CILP: variants seen among roughly 807,000 people sequenced by gnomAD.
CILP encodes the protein cartilage intermediate layer protein 1.
A neutral mutation model predicts 82.5 loss-of-function variants in CILP; 75 were observed. The ratio of observed to expected loss-of-function variants is 0.91; its 90% CI spans 0.75 to 1.10. The LOEUF (loss-of-function observed/expected upper bound fraction) is 1.10. Ranked by LOEUF, CILP falls within the 50% of genes least tolerant of loss-of-function variation. The pLI is 0.00. For synonymous variants in CILP, 530 were observed against 580.3 expected (o/e 0.91, Z 1.25); for missense variants, 1,479 against 1,530.8 (o/e 0.97, Z 0.56).
chr15:65,205,471 A>C lies in CILP; in HGVS notation c.425-5T>G. 1.3e-6 allele frequency: 2 copies of C among 1,596,630 alleles called. No individual in the cohort carries two copies. Among genetic ancestry groups the C allele is most frequent in the Non-Finnish European group, 1.7e-6 (2 of 1,166,714 alleles). On this transcript the variant is annotated splice_polypyrimidine_tract_variant and splice_region_variant and intron_variant, in intron 4 of 8. Coordinates refer to ENST00000261883, the MANE Select transcript of CILP (RefSeq NM_003613.4). ...CTGTGTCTCGGCGCAGGGATCCTGC[A>C]AAGTGAGATCAGCAGACGGTCTGAT...
chr15:65,208,605 C>G (rs529685888), intron 2 of CILP, among the ~76,000 whole-genome samples: 18 of 152,290 alleles, frequency 1.2e-4, no homozygotes, highest in Non-Finnish European at 1.9e-4. Flanking sequence ...ATTTTCCATA[C>G]GAGGCTGGCA....
chr15:65,202,834 C>CTTTTTTT lies in CILP; in HGVS notation c.1028+521_1028+527dup, dbSNP rs10634666. On this transcript the variant is annotated intron_variant, in intron 7 of 8. Coordinates refer to ENST00000261883, the MANE Select transcript of CILP (RefSeq NM_003613.4). The stretch of plus-strand genomic sequence containing the variant: ...CCAGAGATGCTCCAGGGGACCACAG[C>CTTTTTTT]TTTTTTTTTTTTTTTTTTTGAGACA... Among the ~76,000 whole-genome samples the CTTTTTTT allele has an allele frequency of 7.5e-3, 879 of 117,526 alleles. 31 individuals are homozygous for CTTTTTTT. Among genetic ancestry groups the CTTTTTTT allele is most frequent in the African/African-American group, 0.028 (844 of 29,778 alleles). 77.1% of individuals were successfully genotyped at this position (117,526 alleles called of 152,430 possible).
At chr15:65,207,829 G>T (rs1337270907) in intron 2 of CILP, 65 bp from the exon 3 acceptor site, 2 of 1,388,438 alleles carry the variant, frequency 1.4e-6, no homozygotes, top group African/African-American at 1.4e-5. Context: ...TCCTCAAGAT[G>T]CAGGGAAACA....
At position 65,196,953 on chromosome 15, in the gene CILP, C is replaced by T. The variant is rs755893887; in HGVS notation, c.3333G>A (p.Val1111=). The T allele has an allele frequency of 1.2e-6, 2 of 1,613,850 alleles. No homozygotes were observed. Among genetic ancestry groups the T allele is most frequent in the South Asian group, 1.1e-5 (1 of 90,992 alleles). ...CACAGTTGAAGGTGAGGGCTACTCC[C>T]ACATTGCTCTTCATGATTCTGGAGG... ...DGSSRIMKSN[V]GVALTFNCVE... Residue 1111 remains valine (V), a synonymous_variant, in exon 9 of 9, where the codon GTG becomes GTA. Transcript: ENST00000261883.
chr15:65,206,687 T>C lies in CILP; in HGVS notation c.424+95A>G, dbSNP rs547277344. On this transcript the variant is annotated intron_variant, in intron 4 of 8. Coordinates refer to ENST00000261883, the MANE Select transcript of CILP (RefSeq NM_003613.4). ...AGTCCAAGCATACGCATGTGTGTGA[T>C]GCTGAGAGTTCTGGTGGCCAGAGGC... 651 of 1,363,460 alleles carry C rather than the reference T, an allele frequency of 4.8e-4. 7 individuals are homozygous for C. In the South Asian group the frequency reaches 8.0e-3, roughly 17 times the overall value. 84.5% of individuals were successfully genotyped at this position (1,363,460 alleles called of 1,614,324 possible).
In CILP at chr15:65,206,982, TC is replaced by T; in HGVS notation, c.223del (p.Asp75ThrfsTer18). ...PGGKGDYERL[D>X]AIRFYYGDRV... ...GTCCCCATAGTAGAAGCGAATGGCGTCCAGCCGCTCATAGTCGCCCTTCCCG... is the reference window on the plus strand; with the variant it reads ...GTCCCCATAGTAGAAGCGAATGGCGTCAGCCGCTCATAGTCGCCCTTCCCG... On this transcript the variant is annotated frameshift_variant, in exon 4 of 9. Coordinates refer to ENST00000261883, the MANE Select transcript of CILP (RefSeq NM_003613.4). LOFTEE classifies it high-confidence loss of function. The T allele has an allele frequency of 1.2e-6, 2 of 1,613,976 alleles. No homozygotes were observed. The highest frequency in any genetic ancestry group is 1.7e-6 in the Non-Finnish European group (2 of 1,179,992).
rs767099048 is a variant in CILP at position 65,196,945 on chromosome 15, G to C, written c.3341C>G (p.Ala1114Gly). The change falls in exon 9 of 9, where the codon GCC becomes GGC. Residue 1114 changes from alanine (A) to glycine (G), a missense_variant. Coordinates refer to ENST00000261883, the MANE Select transcript of CILP (RefSeq NM_003613.4). ...SRIMKSNVGV[A>G]LTFNCVERQV... The stretch of plus-strand genomic sequence containing the variant: ...CCTCTCTACACAGTTGAAGGTGAGG[G>C]CTACTCCCACATTGCTCTTCATGAT... 11 of 1,613,820 alleles carry C rather than the reference G, an allele frequency of 6.8e-6. No individual in the cohort carries two copies. Among genetic ancestry groups the C allele is most frequent in the Non-Finnish European group, 9.3e-6 (11 of 1,179,862 alleles).
intron 1 of CILP, 121 bp from the exon 2 acceptor site, chr15:65,209,982 C>A (rs1359560171): frequency 8.0e-6 from 4 of 502,164 alleles, no homozygotes; most frequent in Non-Finnish European, 1.4e-5. Context: ...AAAGTGATAT[C>A]TGCCTGAGTT....
chr15:65,196,724 A>G lies in CILP; in HGVS notation c.*7T>C. ...TGAGGGCAGAAGAGGGTGAAGTACC[A>G]CAAAACTTAGTTGATCAGGGGCTGT... On this transcript the variant is annotated 3_prime_UTR_variant, in exon 9 of 9. Transcript: ENST00000261883. The G allele has an allele frequency of 6.6e-7, 1 of 1,521,636 alleles. No individual in the cohort carries two copies. Among genetic ancestry groups the G allele is most frequent in the South Asian group, 1.3e-5 (1 of 76,478 alleles). 94.3% of individuals were successfully genotyped at this position (1,521,636 alleles called of 1,614,324 possible).
intron 7 of CILP, 99 bp downstream of exon 7, chr15:65,203,263 T>A: frequency 1.3e-6 from 1 of 797,974 alleles, no homozygotes; most frequent in Non-Finnish European, 2.1e-6. Flanking sequence ...TGTAACTTTA[T>A]TCTGTTGGTT....
intron 4 of CILP, 27 bp downstream of exon 4, chr15:65,206,755 G>A (rs763002700): frequency 1.3e-6 from 2 of 1,591,388 alleles, no homozygotes; most frequent in South Asian, 2.2e-5. Context: ...GGAAGTAGCG[G>A]GTGGGGGTGG....
Position 65,198,420 on chromosome 15 carries a change from G to T in CILP, c.1866C>A (p.Ala622=), listed in dbSNP as rs2088406056. 6.8e-6 allele frequency: 11 copies of T among 1,614,222 alleles called. No individual in the cohort carries two copies. Among genetic ancestry groups the T allele is most frequent in the Non-Finnish European group, 9.3e-6 (11 of 1,180,034 alleles). The part of the protein sequence containing the change: ...NGEPYIGKVK[A]SVTFLDPRNI... Reference sequence around the variant, plus strand: ...TCCGGGGATCCAGGAAGGTCACACTGGCCTTCACTTTTCCTATGTAGGGCT... The same window carrying T: ...TCCGGGGATCCAGGAAGGTCACACTTGCCTTCACTTTTCCTATGTAGGGCT... The change falls in exon 9 of 9, where the codon GCC becomes GCA. Residue 622 remains alanine (A), a synonymous_variant. Coordinates refer to ENST00000261883, the MANE Select transcript of CILP (RefSeq NM_003613.4).
rs376488192 is a variant in CILP, at chr15:65,206,799, C to A, written c.407G>T (p.Arg136Leu). 4 of 1,611,992 alleles carry A rather than the reference C, an allele frequency of 2.5e-6. No homozygotes were observed. Among genetic ancestry groups the A allele is most frequent in the Non-Finnish European group, 3.4e-6 (4 of 1,178,570 alleles). ...TGGCTTACCTGGTGGGCAGAGGAAG[C>A]GTACGGTGTAATTAGAGCAGTTCTG... ...PGQNCSNYTVRFLCPPGSLRR... is the reference protein window; with the variant it reads ...PGQNCSNYTVLFLCPPGSLRR... Residue 136 changes from arginine to leucine, a missense_variant, in exon 4 of 9, where the codon CGC becomes CTC. Arg to Leu is a moderately radical substitution (Grantham distance 102). Coordinates refer to ENST00000261883, the MANE Select transcript of CILP (RefSeq NM_003613.4).
rs2088365606 is a variant in CILP at position 65,196,730 on chromosome 15, CTT to C, written c.3554_3555del (p.Ter1185CysfsTer28). On this transcript the variant is annotated frameshift_variant and stop_lost, in exon 9 of 9. Coordinates refer to ENST00000261883, the MANE Select transcript of CILP (RefSeq NM_003613.4). LOFTEE classifies it high-confidence loss of function. Reference protein sequence around the residue: ...PRVAQQPLIN* With the variant: ...PRVAQQPLINX ...CAGAAGAGGGTGAAGTACCACAAAACTTAGTTGATCAGGGGCTGTTGAGCAAC... is the reference window on the plus strand; with the variant it reads ...CAGAAGAGGGTGAAGTACCACAAAACAGTTGATCAGGGGCTGTTGAGCAAC... 2 of 1,524,088 alleles carry C rather than the reference CTT, an allele frequency of 1.3e-6. No homozygotes were observed. The highest frequency in any genetic ancestry group is 2.3e-5 in the East Asian group (1 of 43,834). 94.4% of individuals were successfully genotyped at this position (1,524,088 alleles called of 1,614,324 possible).
intron 1 of CILP, among the ~76,000 whole-genome samples, chr15:65,210,894 G>C (rs938425871): frequency 2.0e-5 from 3 of 152,224 alleles, no homozygotes; most frequent in African/African-American, 4.8e-5. Flanking sequence ...TCCACATTGT[G>C]TGTATCCCTC....
In CILP at chr15:65,197,339, TC is replaced by T. The variant is rs770958657; in HGVS notation, c.2946del (p.Lys983SerfsTer8). ...NMGGTHRQTV[G>X]KLYGIRDVRS... ...CTCACATCTCGGATTCCATACAGCT[TC>T]CCCACTGTCTGCCGATGAGTGCCCC... On this transcript the variant is annotated frameshift_variant, in exon 9 of 9. Coordinates refer to ENST00000261883, the MANE Select transcript of CILP (RefSeq NM_003613.4). LOFTEE classifies it high-confidence loss of function. The T allele has an allele frequency of 1.2e-6, 2 of 1,614,096 alleles. No homozygotes were observed. The highest frequency in any genetic ancestry group is 8.5e-7 in the Non-Finnish European group (1 of 1,180,008).
At position 65,196,693 on chromosome 15, in the gene CILP, A is replaced by G. The variant is rs1485914926; in HGVS notation, c.*38T>C. 2 of 1,477,652 alleles carry G rather than the reference A, an allele frequency of 1.4e-6. No homozygotes were observed. The highest frequency in any genetic ancestry group is 9.1e-7 in the Non-Finnish European group (1 of 1,101,662). The allele number at this position is 1,477,652 out of a possible 1,614,324, so 91.5% of individuals were successfully genotyped here. A position where few individuals can be genotyped will look rare whatever the true frequency, so the allele number is the denominator to read the frequency against. ...GCATCAGTCTCACAATGGCTGTCAC[A>G]TGAAATGAGGGCAGAAGAGGGTGAA... On this transcript the variant is annotated 3_prime_UTR_variant, in exon 9 of 9. Transcript: ENST00000261883.
In CILP at chr15:65,198,715, C is replaced by A; in HGVS notation, c.1571G>T (p.Gly524Val). The change falls in exon 9 of 9, where the codon GGC becomes GTC. Residue 524 changes from glycine (G) to valine (V), a missense_variant. By Grantham distance (109) the Gly-to-Val change is moderately radical. Coordinates refer to ENST00000261883, the MANE Select transcript of CILP (RefSeq NM_003613.4). ...CTGGGGGACATGGAGGGTGAAAGTG[C>A]CCTTGTAGCCAGTCATGCTTACACG... ...NSRVSMTGYK[G>V]TFTLHVPQDT... 6.2e-7 allele frequency: 1 copy of A among 1,614,190 alleles called. No homozygotes were observed. Among genetic ancestry groups the A allele is most frequent in the East Asian group, 2.2e-5 (1 of 44,888 alleles).
In CILP at chr15:65,196,460, A is replaced by G; in HGVS notation, c.*271T>C. ...AGTATATTTGCATTAATGGCATTAA[A>G]TGAAGTACAGTTGAAGCTGCAGAGT... On this transcript the variant is annotated 3_prime_UTR_variant, in exon 9 of 9. Coordinates refer to ENST00000261883, the MANE Select transcript of CILP (RefSeq NM_003613.4). The G allele has an allele frequency of 7.9e-6, 3 of 380,250 alleles. No homozygotes were observed. The highest frequency in any genetic ancestry group is 1.4e-5 in the Non-Finnish European group (3 of 213,072). 23.6% of individuals were successfully genotyped at this position (380,250 alleles called of 1,614,324 possible). A position where few individuals can be genotyped will look rare whatever the true frequency, so the allele number is the denominator to read the frequency against.
Sources: gnomAD v4.1 joint callset for allele counts (sites outside exome capture counted in the v4.1 genomes callset) on GRCh38, gnomAD v4.1.1 for gene constraint, MANE v1.5 for transcripts, NCBI Gene and HGNC (gene_info 2026-07-23, HGNC 2026-07-21) for gene names.